Variants in RMP24 observed in about 807,000 individuals in gnomAD.
The protein encoded by RMP24 is ribonuclease MRP protein subunit p24.
chr18:35,974,357 C>CACTAAG, the RMP24 span, among the ~76,000 whole-genome samples: 1 of 152,162 alleles, frequency 6.6e-6, no homozygotes, highest in East Asian at 1.9e-4. Context: ...AGAACAGTGC[C>CACTAAG]TGGCATTCTT....
chr18:35,972,716 A>AGCGGCG, the RMP24 span: 19 of 1,602,624 alleles, frequency 1.2e-5, no homozygotes, highest in African/African-American at 1.7e-4. Context: ...AGCCAGCGGC[A>AGCGGCG]GCGGCGGCGG....
At chr18:35,972,870 C>G in the RMP24 span, 5 of 1,614,072 alleles carry the variant, frequency 3.1e-6, no homozygotes, top group African/African-American at 1.3e-5. Flanking sequence ...TCACAAGTCT[C>G]TTTCTCTTTT....
At chr18:35,973,202 C>T in the RMP24 span, 2 of 541,048 alleles carry the variant, frequency 3.7e-6, no homozygotes, top group Admixed American at 3.1e-5. Flanking sequence ...TTGCTGGTTC[C>T]TCCTAATCTC....
chr18:35,972,773 C>A, the RMP24 span: 2 of 1,613,954 alleles, frequency 1.2e-6, no homozygotes, highest in Non-Finnish European at 1.7e-6. Flanking sequence ...GGGGACTGCA[C>A]GACAGCTGCC....
chr18:35,977,474 C>A, the RMP24 span: 2 of 1,613,904 alleles, frequency 1.2e-6, no homozygotes, highest in Non-Finnish European at 1.7e-6. Flanking sequence ...AGCTTTGTGT[C>A]AACATTGAAG....
At chr18:35,977,942 T>C in the RMP24 span, among the ~76,000 whole-genome samples, 1 of 152,334 alleles carries the variant, frequency 6.6e-6, no homozygotes, top group Admixed American at 6.5e-5. Context: ...ATTCTGTGAA[T>C]GAACACACCT....
the RMP24 span, chr18:35,973,345 T>C: frequency 5.7e-5 from 13 of 228,838 alleles, no homozygotes; most frequent in East Asian, 1.3e-3. Flanking sequence ...GACTTACAAA[T>C]GTATATACTC....
chr18:35,972,903 G>T, the RMP24 span: 2 of 1,614,154 alleles, frequency 1.2e-6, no homozygotes, highest in Non-Finnish European at 1.7e-6. Context: ...ACACTTCGTC[G>T]CACGGTAAGA....
At chr18:35,972,831 A>C in the RMP24 span, 1 of 1,614,188 alleles carries the variant, frequency 6.2e-7, no homozygotes, top group Non-Finnish European at 8.5e-7. Context: ...GGGAAGCGGG[A>C]GGCGAGCGGG....
the RMP24 span, among the ~76,000 whole-genome samples, chr18:35,974,275 C>T: frequency 6.6e-6 from 1 of 152,178 alleles, no homozygotes; most frequent in Non-Finnish European, 1.5e-5. Flanking sequence ...CAGCACTTAA[C>T]ATTTGACGTT....
chr18:35,977,527 C>G, the RMP24 span: 3 of 1,614,128 alleles, frequency 1.9e-6, no homozygotes, highest in East Asian at 6.7e-5. Flanking sequence ...CCTGAAGACA[C>G]CAGAGAGAAG....
At chr18:35,977,724 C>T in the RMP24 span, 2 of 936,920 alleles carry the variant, frequency 2.1e-6, no homozygotes, top group Non-Finnish European at 3.1e-6. Context: ...TCCTCCATAC[C>T]CTTTTCTAAT....
At chr18:35,978,844 A>G in the RMP24 span, 1 of 1,596,232 alleles carries the variant, frequency 6.3e-7, no homozygotes, top group Non-Finnish European at 8.5e-7. Flanking sequence ...GAACACCTAC[A>G]TCTGGACAGT....
chr18:35,973,967 G>C, the RMP24 span: 3 of 152,514 alleles, frequency 2.0e-5, no homozygotes, highest in African/African-American at 7.2e-5. Context: ...AAAAGTGAAA[G>C]TCCTTTAAAA....
the RMP24 span, chr18:35,979,101 C>T: frequency 4.0e-6 from 5 of 1,262,846 alleles, no homozygotes; most frequent in South Asian, 4.7e-5. Context: ...GATCTGAATG[C>T]AAACTTTTCT....
At chr18:35,975,654 C>T in the RMP24 span, among the ~76,000 whole-genome samples, 2 of 152,156 alleles carry the variant, frequency 1.3e-5, no homozygotes, top group African/African-American at 2.4e-5. Context: ...AGATTACGTA[C>T]GGTTTACTAT....
the RMP24 span, chr18:35,977,539 A>G: frequency 6.2e-7 from 1 of 1,614,210 alleles, no homozygotes; most frequent in African/African-American, 1.3e-5. Flanking sequence ...AGAGAGAAGG[A>G]CTGCAAACCC....
At chr18:35,978,051 T>A in the RMP24 span, among the ~76,000 whole-genome samples, 1 of 152,224 alleles carries the variant, frequency 6.6e-6, no homozygotes, top group African/African-American at 2.4e-5. Flanking sequence ...CCTGTTTTCA[T>A]CTTTTTGCTC....
chr18:35,975,959 C>T, the RMP24 span, among the ~76,000 whole-genome samples: 1 of 152,006 alleles, frequency 6.6e-6, no homozygotes, highest in Admixed American at 6.6e-5. Context: ...TTTCTTAGTT[C>T]TTGGAGAATT....
Sources: gnomAD v4.1 joint callset for allele counts (sites outside exome capture counted in the v4.1 genomes callset) on GRCh38, gnomAD v4.1.1 for gene constraint, MANE v1.5 for transcripts, NCBI Gene and HGNC (gene_info 2026-07-23, HGNC 2026-07-21) for gene names.